GRAMD1C: variants seen among roughly 807,000 people sequenced by gnomAD.
The protein encoded by GRAMD1C is protein Aster-C.
Under a neutral mutation model 97.8 loss-of-function variants are expected in GRAMD1C, and 89 were observed. The observed-to-expected ratio is 0.91, with a 90% CI of 0.77 to 1.09. The LOEUF is 1.09. Among genes scored for constraint, GRAMD1C ranks in the 50% least tolerant of loss-of-function variants. GRAMD1C has a pLI of 0.00. For missense variants in GRAMD1C, 740 were observed against 766.4 expected, an observed-to-expected ratio of 0.97 and a Z score of 0.41; for synonymous variants, 256 against 267.0, an observed-to-expected ratio of 0.96 and a Z score of 0.40.
At chr3:113,846,446 G>A (rs920644812) in intron 2 of GRAMD1C, among the ~76,000 whole-genome samples, 1 of 152,056 alleles carries the variant, frequency 6.6e-6, no homozygotes, top group Admixed American at 6.6e-5. Context: ...TTTAGATTGG[G>A]GAACCTTCAT....
In GRAMD1C at chr3:113,862,396, G is replaced by A. The variant is rs1049523258; in HGVS notation, c.175-7111G>A. The stretch of plus-strand genomic sequence containing the variant: ...TCCTTGCTGAGAAAAAGAATTCAGC[G>A]ATATTTCTCCCATTTGCTTTTGAAA... On this transcript the variant is annotated intron_variant, in intron 2 of 17. Transcript: ENST00000358160. Among the ~76,000 whole-genome samples the A allele has an allele frequency of 3.9e-5, 6 of 152,144 alleles. No homozygotes were observed. The South Asian group carries it at 6.2e-4, about 16-fold the overall frequency.
chr3:113,915,087 A>C (rs900157527), intron 9 of GRAMD1C, among the ~76,000 whole-genome samples: 3 of 152,226 alleles, frequency 2.0e-5, no homozygotes, highest in African/African-American at 7.2e-5. Context: ...AAAAAATGTA[A>C]TAATTCATTG....
intron 9 of GRAMD1C, among the ~76,000 whole-genome samples, chr3:113,912,001 A>G (rs1055323642): frequency 1.3e-5 from 2 of 152,172 alleles, no homozygotes; most frequent in Non-Finnish European, 2.9e-5. Context: ...TGCTGGGACT[A>G]CAGGCATGAG....
intron 6 of GRAMD1C, 99 bp from the exon 7 acceptor site, chr3:113,900,932 A>C: frequency 1.5e-6 from 1 of 672,424 alleles, no homozygotes; most frequent in African/African-American, 1.8e-5. Context: ...TAGTCTTTGC[A>C]CAACAGGTCA....
intron 1 of GRAMD1C, among the ~76,000 whole-genome samples, chr3:113,842,932 G>A (rs1933413812): frequency 2.0e-5 from 3 of 150,568 alleles, no homozygotes; most frequent in East Asian, 2.0e-4. Flanking sequence ...CACTGCACTC[G>A]AGCCTAGGCG....
intron 13 of GRAMD1C, among the ~76,000 whole-genome samples, chr3:113,935,503 C>G (rs6767582): frequency 7.0e-6 from 1 of 143,042 alleles, no homozygotes; most frequent in Admixed American, 6.9e-5. Flanking sequence ...TATATATATA[C>G]ACACACACAC....
intron 6 of GRAMD1C, among the ~76,000 whole-genome samples, chr3:113,889,592 A>C (rs1935637202): frequency 6.6e-6 from 1 of 152,192 alleles, no homozygotes; most frequent in South Asian, 2.1e-4. Context: ...CTGCTGTTAA[A>C]AGAAATGGTT....
rs1936161345 is a variant in GRAMD1C at position 113,901,256 on chromosome 3, T to A, written c.656+110T>A. Reference sequence around the variant, plus strand: ...CTAGTAATTTATCTTTGGCTGCCATTTGCCCCTTTGTTCTTTGTGGTGGAA... The same window carrying A: ...CTAGTAATTTATCTTTGGCTGCCATATGCCCCTTTGTTCTTTGTGGTGGAA... On this transcript the variant is annotated intron_variant, in intron 7 of 17. Transcript: ENST00000358160. The A allele has an allele frequency of 1.7e-5, 11 of 649,654 alleles. No homozygotes were observed. The South Asian group carries it at 1.9e-4, about 11-fold the overall frequency. 40.2% of individuals were successfully genotyped at this position (649,654 alleles called of 1,614,324 possible).
At chr3:113,868,709 T>TA (rs1577143209) in intron 2 of GRAMD1C, among the ~76,000 whole-genome samples, 1 of 152,064 alleles carries the variant, frequency 6.6e-6, no homozygotes, top group South Asian at 2.1e-4. Flanking sequence ...TCTGGCCATT[T>TA]AAAAAAATGT....
rs577020150 is a variant in GRAMD1C at position 113,850,735 on chromosome 3, C to T, written c.174+6086C>T. 9.4e-5 allele frequency: 140 copies of T among 1,482,182 alleles called. No homozygotes were observed. The African/African-American group carries it at 1.4e-3, about 15-fold the overall frequency. The allele number at this position is 1,482,182 out of a possible 1,614,324, so 91.8% of individuals were successfully genotyped here. On this transcript the variant is annotated intron_variant, in intron 2 of 17. Coordinates refer to ENST00000358160, the MANE Select transcript of GRAMD1C (RefSeq NM_017577.5). ...GGTTCTTCTTAGGCATCAACATCTC[C>T]GCTGCTGTAGGGTCCGGGGCTGAGG...
intron 6 of GRAMD1C, chr3:113,897,673 C>G: frequency 1.0e-6 from 1 of 981,674 alleles, no homozygotes. Context: ...ATAGAGATGG[C>G]AACATACTTA....
At chr3:113,901,904 T>C (rs1471046705) in intron 7 of GRAMD1C, among the ~76,000 whole-genome samples, 4 of 151,898 alleles carry the variant, frequency 2.6e-5, no homozygotes, top group African/African-American at 7.3e-5. Flanking sequence ...TGAAATGGAG[T>C]CTAGAACTGG....
intron 7 of GRAMD1C, among the ~76,000 whole-genome samples, chr3:113,903,137 G>GC (rs1455770019): frequency 6.6e-5 from 9 of 137,394 alleles, no homozygotes; most frequent in Non-Finnish European, 1.3e-4. Flanking sequence ...GCTAATTTTT[G>GC]CATTTTTTTT....
intron 17 of GRAMD1C, among the ~76,000 whole-genome samples, chr3:113,942,792 A>C (rs1937868962): frequency 6.6e-6 from 1 of 152,224 alleles, no homozygotes; most frequent in African/African-American, 2.4e-5. Flanking sequence ...AGGAAAGGTC[A>C]GATGCCGAAA....
intron 2 of GRAMD1C, among the ~76,000 whole-genome samples, chr3:113,856,908 C>T (rs1288348877): frequency 1.3e-5 from 2 of 150,984 alleles, no homozygotes; most frequent in African/African-American, 4.9e-5. Flanking sequence ...GGTACAATCT[C>T]GGCTCACTGC....
rs577247851 is a variant in GRAMD1C, at chr3:113,946,315, A to G, written c.*837A>G. The G allele has an allele frequency of 1.3e-5, 2 of 152,726 alleles. No individual in the cohort carries two copies. The highest frequency in any genetic ancestry group is 2.9e-5 in the Non-Finnish European group (2 of 68,016). 9.5% of individuals were successfully genotyped at this position (152,726 alleles called of 1,614,324 possible). ...GAAGTGACACATCTGGTTGAAAATA[A>G]TTTGTGTATTTTCAGTAACCATGTA... On this transcript the variant is annotated 3_prime_UTR_variant, in exon 18 of 18. Coordinates refer to ENST00000358160, the MANE Select transcript of GRAMD1C (RefSeq NM_017577.5).
chr3:113,945,861 CTGAGA>C lies in GRAMD1C; in HGVS notation c.*385_*389del, dbSNP rs1577236036. The C allele has an allele frequency of 5.8e-6, 1 of 173,010 alleles. No individual in the cohort carries two copies. The highest frequency in any genetic ancestry group is 1.6e-4 in the South Asian group (1 of 6,436). The allele number at this position is 173,010 out of a possible 1,614,324, so 10.7% of individuals were successfully genotyped here. On this transcript the variant is annotated 3_prime_UTR_variant, in exon 18 of 18. Transcript: ENST00000358160. ...CATGTCCAATAGGTCGCTTTTGTAA[CTGAGA>C]TAAGACCAAGAGGATAAACAGGACA...
At chr3:113,910,725 A>C (rs1936536953) in intron 9 of GRAMD1C, among the ~76,000 whole-genome samples, 1 of 152,164 alleles carries the variant, frequency 6.6e-6, no homozygotes, top group South Asian at 2.1e-4. Flanking sequence ...GGTATGTGTG[A>C]AAGATAAGTG....
chr3:113,893,823 A>G (rs1256813209), intron 6 of GRAMD1C, among the ~76,000 whole-genome samples: 1 of 152,364 alleles, frequency 6.6e-6, no homozygotes, highest in South Asian at 2.1e-4. Context: ...GAATGACTCA[A>G]TTTAGTAGAA....
Sources: allele counts gnomAD v4.1 joint callset (sites outside exome capture counted in the v4.1 genomes callset), GRCh38; gene constraint gnomAD v4.1.1; transcripts MANE v1.5; gene names NCBI Gene and HGNC (gene_info 2026-07-23, HGNC 2026-07-21).